The following TACC2 variants were observed in gnomAD, a reference collection of about 807,000 sequenced individuals.
TACC2 encodes transforming acidic coiled-coil-containing protein 2.
A neutral mutation model predicts 227.3 loss-of-function variants in TACC2; 137 were observed. That is an observed-to-expected ratio of 0.60 (90% CI 0.52 to 0.69). TACC2 has a LOEUF of 0.69. TACC2 is among the 30% of genes least tolerant of loss of function. The pLI is 0.00. For missense variants in TACC2, 3,470 were observed against 3,694.4 expected (o/e 0.94, Z 1.57); for synonymous variants, 1,523 against 1,487.5 (o/e 1.02, Z -0.55).
At chr10:122,202,103 A>G (rs927297040) in intron 8 of TACC2, among the ~76,000 whole-genome samples, 2 of 144,870 alleles carry the variant, frequency 1.4e-5, no homozygotes, top group Admixed American at 7.1e-5. Flanking sequence ...TATACTGTCT[A>G]CATTTCCCAT....
chr10:122,211,594 C>T lies in TACC2; in HGVS notation c.7169C>T (p.Ser2390Leu), dbSNP rs2095293735. The stretch of plus-strand genomic sequence containing the variant: ...AAGACATCCTCTAAGACCCCCAGCT[C>T]ACCTTCTAAATCCCCAGCCTCCTTT... ...PFKTSSKTPS[S>L]PSKSPASFEI... The change falls in exon 9 of 23, where the codon TCA becomes TTA. Residue 2390 changes from serine to leucine, a missense_variant. Ser to Leu is a moderately radical substitution (Grantham distance 145, BLOSUM62 -2). Around this residue, in one of 10 missense-constraint regions of TACC2, gnomAD observed 593 missense variants for 636.6 expected, o/e 0.93. Transcript: ENST00000369005. 1.9e-6 allele frequency: 3 copies of T among 1,614,090 alleles called. No homozygotes were observed. The highest frequency in any genetic ancestry group is 2.5e-6 in the Non-Finnish European group (3 of 1,180,006).
At chr10:122,066,069 T>G (rs914859121) in intron 3 of TACC2, among the ~76,000 whole-genome samples, 1 of 152,084 alleles carries the variant, frequency 6.6e-6, no homozygotes. Flanking sequence ...GAGTTGGATC[T>G]TGTTTTATTA....
intron 5 of TACC2, among the ~76,000 whole-genome samples, chr10:122,117,744 C>T (rs372789091): frequency 3.3e-5 from 5 of 152,270 alleles, no homozygotes; most frequent in African/African-American, 9.6e-5. Flanking sequence ...ATAGAAGGCT[C>T]CTGGCTAGCA....
chr10:122,047,893 A>T (rs931596871), intron 2 of TACC2, among the ~76,000 whole-genome samples: 2 of 152,190 alleles, frequency 1.3e-5, no homozygotes, highest in African/African-American at 4.8e-5. Context: ...TGTAGTGTTC[A>T]TGTTGGCACT....
chr10:122,013,702 G>A (rs1254002280), intron 1 of TACC2, among the ~76,000 whole-genome samples: 2 of 152,202 alleles, frequency 1.3e-5, no homozygotes, highest in Non-Finnish European at 2.9e-5. Flanking sequence ...TGTGGCTGGG[G>A]AGCAATGCCA....
chr10:122,087,601 G>A lies in TACC2; in HGVS notation c.5101G>A (p.Ala1701Thr), dbSNP rs560783379. Residue 1701 changes from alanine to threonine, a missense_variant, in exon 4 of 23, where the codon GCT becomes ACT. Transcript: ENST00000369005. ...CCTGGAGCCTGGCAAGGTGGCAGGCGCTGCTGGGGAAGCAGAGGGTGACAT... is the reference window on the plus strand; with the variant it reads ...CCTGGAGCCTGGCAAGGTGGCAGGCACTGCTGGGGAAGCAGAGGGTGACAT... ...TPLEPGKVAG[A>T]AGEAEGDITL... 1.1e-4 allele frequency: 171 copies of A among 1,613,586 alleles called. No homozygotes were observed. Among genetic ancestry groups the A allele is most frequent in the Non-Finnish European group, 1.3e-4 (157 of 1,179,992 alleles).
At chr10:122,115,271 AGTGT>A (rs1180604805) in intron 5 of TACC2, among the ~76,000 whole-genome samples, 3,069 of 60,514 alleles carry the variant, frequency 0.051, 95 homozygotes, top group African/African-American at 0.091. Flanking sequence ...TAGGTAGGTG[AGTGT>A]GTGTGTGTGT....
intron 5 of TACC2, among the ~76,000 whole-genome samples, chr10:122,090,378 G>A (rs949210501): frequency 5.3e-5 from 8 of 151,302 alleles, no homozygotes; most frequent in Non-Finnish European, 1.0e-4. Context: ...AACCCCGTCT[G>A]TACTAAAAAA....
intron 7 of TACC2, among the ~76,000 whole-genome samples, chr10:122,158,444 C>T (rs1428620750): frequency 2.6e-5 from 4 of 152,042 alleles, no homozygotes; most frequent in African/African-American, 9.7e-5. Context: ...AAAAGTCAGT[C>T]TCATCTGTGT....
At chr10:122,136,545 G>GTATATATATATATATATATATA (rs34534253) in intron 6 of TACC2, among the ~76,000 whole-genome samples, 1 of 54,960 alleles carries the variant, frequency 1.8e-5, no homozygotes, top group African/African-American at 4.9e-5. Flanking sequence ...GTGTGTGTGT[G>GTATATATATATATATATATATA]TATATATATA....
At chr10:122,249,005 T>C in intron 20 of TACC2, 45 bp from the exon 21 acceptor site, 2 of 1,572,662 alleles carry the variant, frequency 1.3e-6, no homozygotes, top group South Asian at 2.3e-5. Flanking sequence ...TGCTGGGCAT[T>C]TGTTCTCGTG....
At chr10:121,994,292 C>T (rs974746059) in intron 1 of TACC2, among the ~76,000 whole-genome samples, 13 of 152,142 alleles carry the variant, frequency 8.5e-5, no homozygotes, top group African/African-American at 2.9e-4. Flanking sequence ...TTTTTTTCTT[C>T]TTTTATGGTT....
intron 2 of TACC2, among the ~76,000 whole-genome samples, chr10:122,034,569 C>T (rs1591309311): frequency 3.3e-5 from 5 of 152,276 alleles, no homozygotes; most frequent in Admixed American, 3.3e-4. Context: ...ATCCAGTTCC[C>T]TGCACCCTGA....
chr10:122,202,652 T>TTTTC (rs1294883042), intron 8 of TACC2, among the ~76,000 whole-genome samples: 1 of 150,636 alleles, frequency 6.6e-6, no homozygotes, highest in Non-Finnish European at 1.5e-5. Context: ...AGAAGTAGAT[T>TTTTC]TTTCTTTCTT....
At chr10:122,120,927 G>C (rs2085647570) in intron 5 of TACC2, among the ~76,000 whole-genome samples, 1 of 152,166 alleles carries the variant, frequency 6.6e-6, no homozygotes, top group Non-Finnish European at 1.5e-5. Context: ...ACCATGCCCA[G>C]CTAATTTTTG....
chr10:122,198,781 G>A (rs533320366), intron 8 of TACC2, among the ~76,000 whole-genome samples: 2 of 152,350 alleles, frequency 1.3e-5, no homozygotes, highest in South Asian at 2.1e-4. Flanking sequence ...GCCTTTGTGC[G>A]CCTAGCCTGG....
In TACC2 at chr10:122,083,240, A is replaced by C. The variant is rs151218566; in HGVS notation, c.740A>C (p.Gln247Pro). The change falls in exon 4 of 23, where the codon CAA (glutamine) becomes CCA (proline). Residue 247 changes from glutamine to proline, a missense_variant. Around this residue, in one of 10 missense-constraint regions of TACC2, gnomAD observed 405 missense variants for 389.6 expected, o/e 1.04. Transcript: ENST00000369005. ...TCCAGGCAGGGGGTGGCTTCTGTGC[A>C]AGTGACCCCTGAGGCCCCTGCTGCA... is the stretch of plus-strand genomic sequence containing the variant. ...AESRQGVASVQVTPEAPAAAQ... is the reference protein window; with the variant it reads ...AESRQGVASVPVTPEAPAAAQ... 4,735 of 1,613,434 alleles carry C rather than the reference A, an allele frequency of 2.9e-3. 8 individuals are homozygous for C. Among genetic ancestry groups the C allele is most frequent in the Non-Finnish European group, 3.4e-3 (4,029 of 1,179,952 alleles).
At position 122,087,769 on chromosome 10, in the gene TACC2, G is replaced by C; in HGVS notation, c.5269G>C (p.Gly1757Arg). The stretch of plus-strand genomic sequence containing the variant: ...CCCAGCCTGCTCTGACAAGGCTCCG[G>C]GGATGGAGGGTACAGCTGCCCTTCA... ...QDPACSDKAP[G>R]MEGTAALHGD... Residue 1757 changes from glycine (G) to arginine (R), a missense_variant, in exon 4 of 23, where the codon GGG (glycine) becomes CGG (arginine). By Grantham distance (125) the Gly-to-Arg change is moderately radical (BLOSUM62 -2). Coordinates refer to ENST00000369005, the MANE Select transcript of TACC2 (RefSeq NM_206862.4). 6.2e-7 allele frequency: 1 copy of C among 1,607,560 alleles called. No individual in the cohort carries two copies. The highest frequency in any genetic ancestry group is 1.7e-5 in the Admixed American group (1 of 59,740).
At chr10:122,148,097 A>AT (rs1172285538) in intron 7 of TACC2, among the ~76,000 whole-genome samples, 15,238 of 131,406 alleles carry the variant, frequency 0.12, 1,391 homozygotes, top group African/African-American at 0.25. Flanking sequence ...CTGAGCCAGA[A>AT]TTTTTTTTTT....
Sources: allele counts gnomAD v4.1 joint callset (sites outside exome capture counted in the v4.1 genomes callset), GRCh38; gene constraint gnomAD v4.1.1; regional missense constraint gnomAD v4.1.1; transcripts MANE v1.5; gene names NCBI Gene and HGNC (gene_info 2026-07-23, HGNC 2026-07-21).